HEATR6: variants seen among roughly 807,000 people sequenced by gnomAD.
The protein encoded by HEATR6 is HEAT repeat containing 6, also known as HEAT repeat-containing protein 6.
Under a neutral mutation model 132.8 loss-of-function variants are expected in HEATR6, and 106 were observed. The ratio of observed to expected loss-of-function variants is 0.80; its 90% CI spans 0.68 to 0.94. HEATR6 has a LOEUF of 0.94. Ranked by LOEUF, HEATR6 falls within the 40% of genes least tolerant of loss-of-function variation. The pLI is 0.00. For missense variants in HEATR6, 1,339 were observed against 1,425.1 expected, an observed-to-expected ratio of 0.94 and a Z score of 0.97; for synonymous variants, 529 against 537.8, an observed-to-expected ratio of 0.98 and a Z score of 0.23.
rs1187977138 is a variant in HEATR6 at position 60,078,880 on chromosome 17, G to C, written c.35C>G (p.Ser12Cys). The C allele has an allele frequency of 7.4e-7, 1 of 1,347,896 alleles. No homozygotes were observed. The highest frequency in any genetic ancestry group is 4.9e-5 in the East Asian group (1 of 20,416). 83.5% of individuals were successfully genotyped at this position (1,347,896 alleles called of 1,614,324 possible). A position where few individuals can be genotyped will look rare whatever the true frequency, so the allele number is the denominator to read the frequency against. ...AAVQVVGSWP[S>C]VQPREAPREA... is the part of the protein sequence containing the mutation. ...CCGCGGTGCCTCCCGCGGCTGCACGGAAGGCCACGAACCGACAACTTGCAC... is the reference window on the plus strand; with the variant it reads ...CCGCGGTGCCTCCCGCGGCTGCACGCAAGGCCACGAACCGACAACTTGCAC... Residue 12 changes from serine to cysteine, a missense_variant, in exon 1 of 20, where the codon TCC becomes TGC. Physicochemically the swap from Ser to Cys is moderately radical, Grantham distance 112. Coordinates refer to ENST00000184956, the MANE Select transcript of HEATR6 (RefSeq NM_022070.5).
chr17:60,047,292 T>C lies in HEATR6; in HGVS notation c.2769+17A>G. ...AACTATCTGTTTGGGAGATACTGGG[T>C]TTTGTTGTGAGTCTACCTTGTCTTT... On this transcript the variant is annotated intron_variant, in intron 18 of 19. Coordinates refer to ENST00000184956, the MANE Select transcript of HEATR6 (RefSeq NM_022070.5). 1 of 1,538,930 alleles carries C rather than the reference T, an allele frequency of 6.5e-7. No individual in the cohort carries two copies. The highest frequency in any genetic ancestry group is 9.0e-7 in the Non-Finnish European group (1 of 1,115,838).
chr17:60,078,894 G>C lies in HEATR6; in HGVS notation c.21C>G (p.Val7=), dbSNP rs749974577. Residue 7 remains valine, a synonymous_variant, in exon 1 of 20, where the codon GTC becomes GTG. Transcript: ENST00000184956. ...GCGGCTGCACGGAAGGCCACGAACC[G>C]ACAACTTGCACAGCAGCCATCTTTT... is the stretch of plus-strand genomic sequence containing the variant. MAAVQV[V]GSWPSVQPRE... is the part of the protein sequence containing the mutation. 4.7e-6 allele frequency: 6 copies of C among 1,286,874 alleles called. No homozygotes were observed. In the East Asian group the frequency reaches 2.1e-4, roughly 45 times the overall value. 79.7% of individuals were successfully genotyped at this position (1,286,874 alleles called of 1,614,324 possible).
At chr17:60,045,538 A>G (rs938167213) in intron 19 of HEATR6, among the ~76,000 whole-genome samples, 1 of 152,208 alleles carries the variant, frequency 6.6e-6, no homozygotes, top group Non-Finnish European at 1.5e-5. Flanking sequence ...TACACAGCTC[A>G]TAGGGGATTT....
At position 60,056,060 on chromosome 17, in the gene HEATR6, G is replaced by A. The variant is rs1906734009; in HGVS notation, c.2202+55C>T. The stretch of plus-strand genomic sequence containing the variant: ...AAGGAAGGATATAAAGTGAAGAAAA[G>A]GAAGGATATAAAGTGAAGAGAAGGA... On this transcript the variant is annotated intron_variant, in intron 13 of 19. Coordinates refer to ENST00000184956, the MANE Select transcript of HEATR6 (RefSeq NM_022070.5). 4.4e-6 allele frequency: 7 copies of A among 1,575,892 alleles called. No homozygotes were observed. The South Asian group carries it at 8.0e-5, about 18-fold the overall frequency.
Position 60,041,349 on chromosome 17 carries a change from A to C in HEATR6, c.*2214T>G, listed in dbSNP as rs1309940858. Among the ~76,000 whole-genome samples the C allele has an allele frequency of 6.6e-6, 1 of 152,262 alleles. No individual in the cohort carries two copies. Among genetic ancestry groups the C allele is most frequent in the Non-Finnish European group, 1.5e-5 (1 of 68,048 alleles). ...AAGGAAAGGATAAGAGTGAATCATC[A>C]AATGAAACCATGAGGCCACTTCACA... On this transcript the variant is annotated 3_prime_UTR_variant, in exon 20 of 20. Transcript: ENST00000184956.
At chr17:60,063,022 C>T (rs2083220342) in intron 9 of HEATR6, 1 of 157,224 alleles carries the variant, frequency 6.4e-6, no homozygotes, top group Non-Finnish European at 1.4e-5. Flanking sequence ...CCAATTAAAC[C>T]TCTTTTTCTT....
In HEATR6 at chr17:60,066,528, C is replaced by T. The variant is rs150226094; in HGVS notation, c.1239-142G>A. 3.6e-3 allele frequency: 2,325 copies of T among 649,384 alleles called. 6 individuals are homozygous for T. The highest frequency in any genetic ancestry group is 5.1e-3 in the Non-Finnish European group (2,044 of 401,250). 40.2% of individuals were successfully genotyped at this position (649,384 alleles called of 1,614,324 possible). A position where few individuals can be genotyped will look rare whatever the true frequency, so the allele number is the denominator to read the frequency against. On this transcript the variant is annotated intron_variant, in intron 8 of 19. Transcript: ENST00000184956. ...CATTCTAAATAATTCCTAAAGATGT[C>T]AATGTGTTATTAAAAATTTTTCTTT...
intron 8 of HEATR6, 121 bp downstream of exon 8, chr17:60,067,313 A>G (rs2083246946): frequency 1.1e-5 from 7 of 630,644 alleles, no homozygotes; most frequent in Middle Eastern, 7.1e-4. Flanking sequence ...TGTTCTGAAT[A>G]ACACCATGCC....
At chr17:60,046,648 GT>G (rs1260378075) in intron 18 of HEATR6, among the ~76,000 whole-genome samples, 1 of 152,130 alleles carries the variant, frequency 6.6e-6, no homozygotes, top group African/African-American at 2.4e-5. Context: ...TTCTCCTTTT[GT>G]TTTAAAACCG....
At chr17:60,044,429 T>TG (rs1254693314) in intron 19 of HEATR6, among the ~76,000 whole-genome samples, 1 of 152,142 alleles carries the variant, frequency 6.6e-6, no homozygotes, top group African/African-American at 2.4e-5. Flanking sequence ...GCTTCTTCTC[T>TG]GGGAGGATTC....
Position 60,078,507 on chromosome 17 carries a change from C to A in HEATR6, c.219+189G>T, listed in dbSNP as rs138381422. Among the ~76,000 whole-genome samples, 782 of 152,208 alleles carry A rather than the reference C, an allele frequency of 5.1e-3. 3 individuals are homozygous for A. Among genetic ancestry groups the A allele is most frequent in the Middle Eastern group, 0.014 (4 of 294 alleles). On this transcript the variant is annotated intron_variant, in intron 1 of 19. Coordinates refer to ENST00000184956, the MANE Select transcript of HEATR6 (RefSeq NM_022070.5). ...CAAGTTGGGTTTTGAATGACTCGAG[C>A]GTGCCAAGCACTGCAGGGTCTTCCA...
At chr17:60,061,614 C>T (rs979463645) in intron 9 of HEATR6, among the ~76,000 whole-genome samples, 2 of 152,220 alleles carry the variant, frequency 1.3e-5, no homozygotes, top group Admixed American at 6.5e-5. Flanking sequence ...AAGGAATAAA[C>T]GTGGTTGCGT....
chr17:60,067,519 A>T lies in HEATR6; in HGVS notation c.1153T>A (p.Ser385Thr). The T allele has an allele frequency of 6.2e-7, 1 of 1,612,798 alleles. No individual in the cohort carries two copies. Among genetic ancestry groups the T allele is most frequent in the South Asian group, 1.1e-5 (1 of 90,760 alleles). ...CTTTTCCAACTGGAAGAACTGAAGG[A>T]TGAGGAGACTCCATCTTTTTCTGCA... ...GAAEKDGVSSSFSSSSWKRVS... is the reference protein window; with the variant it reads ...GAAEKDGVSSTFSSSSWKRVS... The change falls in exon 8 of 20, where the codon TCC becomes ACC. Residue 385 changes from serine (S) to threonine (T), a missense_variant. Transcript: ENST00000184956.
At chr17:60,059,122 T>A (rs896101715) in intron 11 of HEATR6, among the ~76,000 whole-genome samples, 3 of 152,142 alleles carry the variant, frequency 2.0e-5, no homozygotes, top group Non-Finnish European at 4.4e-5. Flanking sequence ...ACAATCATAC[T>A]CCTCAGGGGG....
intron 19 of HEATR6, 51 bp from the exon 20 acceptor site, chr17:60,044,185 G>A (rs372270997): frequency 7.1e-6 from 10 of 1,412,958 alleles, no homozygotes; most frequent in Non-Finnish European, 9.8e-6. Flanking sequence ...GAACTAGGTG[G>A]GGTGAGAGGG....
chr17:60,072,447 C>T, intron 4 of HEATR6, 118 bp from the exon 5 acceptor site: 1 of 483,362 alleles, frequency 2.1e-6, no homozygotes. Flanking sequence ...CCCTTGAGTG[C>T]AACTATGCTA....
intron 10 of HEATR6, 148 bp downstream of exon 10, chr17:60,059,742 C>T (rs1024362018): frequency 2.9e-5 from 20 of 692,972 alleles, no homozygotes; most frequent in South Asian, 1.3e-4. Context: ...TAAGATCAGA[C>T]GAGTAGGTAC....
rs769666275 is a variant in HEATR6, at chr17:60,076,192, T to C, written c.265A>G (p.Asn89Asp). ...ACTTTGCTGACAAGATGATTCTGAT[T>C]AAGAGGTACCAGTCGGCAAGCCTGG... ...LVQACRLVPL[N>D]QNHLVSKVSQ... The change falls in exon 2 of 20, where the codon AAT (asparagine) becomes GAT (aspartate). Residue 89 changes from asparagine (N) to aspartate (D), a missense_variant. Asn to Asp is a conservative substitution (Grantham distance 23). Transcript: ENST00000184956. 5.6e-6 allele frequency: 9 copies of C among 1,611,380 alleles called. No homozygotes were observed. Among genetic ancestry groups the C allele is most frequent in the Non-Finnish European group, 7.6e-6 (9 of 1,179,552 alleles).
In HEATR6 at chr17:60,073,815, G is replaced by A. The variant is rs1448554799; in HGVS notation, c.399C>T (p.Ser133=). ...YTISAIHQCS[S]WTHREILQAL... is the part of the protein sequence containing the mutation. The stretch of plus-strand genomic sequence containing the variant: ...CTTGAAGAATTTCCCTGTGTGTCCA[G>A]GAACTACACTGATGAATAGCCGAAA... Residue 133 remains serine (S), a synonymous_variant, in exon 3 of 20, where the codon TCC becomes TCT. Coordinates refer to ENST00000184956, the MANE Select transcript of HEATR6 (RefSeq NM_022070.5). The A allele has an allele frequency of 1.2e-6, 2 of 1,613,848 alleles. No homozygotes were observed. The highest frequency in any genetic ancestry group is 1.7e-6 in the Non-Finnish European group (2 of 1,179,866).
Sources: gnomAD v4.1 joint callset for allele counts (sites outside exome capture counted in the v4.1 genomes callset) on GRCh38, gnomAD v4.1.1 for gene constraint, MANE v1.5 for transcripts, NCBI Gene and HGNC (gene_info 2026-07-23, HGNC 2026-07-21) for gene names.